The following FBXO5 variants were observed in gnomAD, a reference collection of about 807,000 sequenced individuals.
FBXO5 encodes the protein F-box protein 5.
A neutral mutation model predicts 43.3 loss-of-function variants in FBXO5; 8 were observed. The ratio of observed to expected loss-of-function variants is 0.18; its 90% CI spans 0.11 to 0.33. FBXO5 has a LOEUF of 0.33. Among genes scored for constraint, FBXO5 ranks in the 10% least tolerant of loss-of-function variants. The pLI, the probability that FBXO5 is intolerant of heterozygous loss-of-function variation, is 1.00. For missense variants in FBXO5, 491 were observed against 535.7 expected, an observed-to-expected ratio of 0.92 and a Z score of 0.82; for synonymous variants, 204 against 193.7, an observed-to-expected ratio of 1.05 and a Z score of -0.44.
At chr6:152,974,844 C>G in intron 2 of FBXO5, 63 bp downstream of exon 2, 1 of 1,313,988 alleles carries the variant, frequency 7.6e-7, no homozygotes. Context: ...GCTGGTGGTA[C>G]TGAGCCACTA....
At chr6:152,972,999 C>A (rs1444145654) in intron 3 of FBXO5, 47 bp downstream of exon 3, 1 of 1,430,446 alleles carries the variant, frequency 7.0e-7, no homozygotes, top group Admixed American at 1.7e-5. Flanking sequence ...TCTAGAAGAG[C>A]ACTAACAGTG....
chr6:152,970,994 A>G lies in FBXO5; in HGVS notation c.*169T>C, dbSNP rs1388037178. On this transcript the variant is annotated 3_prime_UTR_variant, in exon 5 of 5. Transcript: ENST00000229758. ...AACTTTTTCTCATTAAATTGTAAAA[A>G]TATTTTAAGAGGTTGTCTATCCTCT... is the stretch of plus-strand genomic sequence containing the variant. 4.1e-6 allele frequency: 2 copies of G among 486,646 alleles called. No individual in the cohort carries two copies. The highest frequency in any genetic ancestry group is 2.0e-5 in the African/African-American group (1 of 50,126). 30.1% of individuals were successfully genotyped at this position (486,646 alleles called of 1,614,324 possible).
In FBXO5 at chr6:152,974,919, A is replaced by C. The variant is rs1386023109; in HGVS notation, c.806T>G (p.Met269Arg). ...AAACAGTACTTACTTGATTAAGTCC[A>C]TGTCACTGAGTTGTGCTAAAATAGT... is the stretch of plus-strand genomic sequence containing the variant. ...LATILAQLSD[M>R]DLINVSKVST... Residue 269 changes from methionine (M) to arginine (R), a missense_variant, in exon 2 of 5, where the codon ATG becomes AGG. Met to Arg is a moderately conservative substitution (Grantham distance 91). Transcript: ENST00000229758. The C allele has an allele frequency of 1.3e-6, 2 of 1,595,610 alleles. No homozygotes were observed. Among genetic ancestry groups the C allele is most frequent in the Non-Finnish European group, 1.7e-6 (2 of 1,173,046 alleles).
chr6:152,975,599 G>T lies in FBXO5; in HGVS notation c.126C>A (p.Thr42=), dbSNP rs1232187242. 6.3e-7 allele frequency: 1 copy of T among 1,599,550 alleles called. No homozygotes were observed. Among genetic ancestry groups the T allele is most frequent in the South Asian group, 1.1e-5 (1 of 88,660 alleles). The change falls in exon 2 of 5, where the codon ACC becomes ACA. Residue 42 remains threonine, a synonymous_variant. Coordinates refer to ENST00000229758, the MANE Select transcript of FBXO5 (RefSeq NM_012177.5). The part of the protein sequence containing the change: ...PSDSCKEESS[T]LSVKMKCDFN... ...AATCACACTTCATTTTGACAGAAAG[G>T]GTAGAACTTTCTTCTTTACAACCTA...
Position 152,975,505 on chromosome 6 carries a change from A to T in FBXO5, c.220T>A (p.Tyr74Asn), listed in dbSNP as rs1384572590. The T allele has an allele frequency of 1.9e-6, 3 of 1,613,844 alleles. No homozygotes were observed. The highest frequency in any genetic ancestry group is 2.5e-6 in the Non-Finnish European group (3 of 1,179,970). Residue 74 changes from tyrosine (Y) to asparagine (N), a missense_variant, in exon 2 of 5, where the codon TAC (tyrosine) becomes AAC (asparagine). Coordinates refer to ENST00000229758, the MANE Select transcript of FBXO5 (RefSeq NM_012177.5). Reference sequence around the variant, plus strand: ...GAACCTTCCAAATATGCAGGGGTGTAGGAAACTAGTCTTCCAATGTCATCA... The same window carrying T: ...GAACCTTCCAAATATGCAGGGGTGTTGGAAACTAGTCTTCCAATGTCATCA... ...KPDDIGRLVSYTPAYLEGSCK... is the reference protein window; with the variant it reads ...KPDDIGRLVSNTPAYLEGSCK...
intron 1 of FBXO5, among the ~76,000 whole-genome samples, chr6:152,980,452 G>C (rs1047284682): frequency 6.6e-6 from 1 of 152,182 alleles, no homozygotes; most frequent in Non-Finnish European, 1.5e-5. Flanking sequence ...TGAGTTGGGG[G>C]AGGTTATTGA....
upstream of FBXO5, chr6:152,983,131 C>A (rs894120093): frequency 1.4e-5 from 6 of 425,358 alleles, no homozygotes; most frequent in Non-Finnish European, 2.5e-5. Context: ...CTTGCATGCG[C>A]GCACCAATAG....
rs1242058989 is a variant in FBXO5 at position 152,973,103 on chromosome 6, G to A, written c.852C>T (p.Ile284=). 1 of 1,613,690 alleles carries A rather than the reference G, an allele frequency of 6.2e-7. No homozygotes were observed. Among genetic ancestry groups the A allele is most frequent in the East Asian group, 2.2e-5 (1 of 44,840 alleles). The change falls in exon 3 of 5, where the codon ATC becomes ATT. Residue 284 remains isoleucine (I), a synonymous_variant. Coordinates refer to ENST00000229758, the MANE Select transcript of FBXO5 (RefSeq NM_012177.5). ...GGAATGCCCCCTTATCATCTTCTAGGATCTTCTTCCAAGTTGTGCTCACTT... is the reference window on the plus strand; with the variant it reads ...GGAATGCCCCCTTATCATCTTCTAGAATCTTCTTCCAAGTTGTGCTCACTT... The part of the protein sequence containing the change: ...VSKVSTTWKK[I]LEDDKGAFQL...
chr6:152,971,024 C>T lies in FBXO5; in HGVS notation c.*139G>A. 1.4e-6 allele frequency: 1 copy of T among 738,010 alleles called. No homozygotes were observed. The highest frequency in any genetic ancestry group is 2.0e-6 in the Non-Finnish European group (1 of 490,672). 45.7% of individuals were successfully genotyped at this position (738,010 alleles called of 1,614,324 possible). ...TTAAGAGGTTGTCTATCCTCTTTAT[C>T]TTCTGGGGGGAAAAAAACCTCAGGA... On this transcript the variant is annotated 3_prime_UTR_variant, in exon 5 of 5. Coordinates refer to ENST00000229758, the MANE Select transcript of FBXO5 (RefSeq NM_012177.5).
At chr6:152,974,619 C>T (rs557997172) in intron 2 of FBXO5, among the ~76,000 whole-genome samples, 163 of 152,316 alleles carry the variant, frequency 1.1e-3, no homozygotes, top group African/African-American at 3.6e-3. Flanking sequence ...GGTTGAGCAT[C>T]TCTAATCCAA....
Position 152,971,022 on chromosome 6 carries a change from A to G in FBXO5, c.*141T>C. 1 of 701,878 alleles carries G rather than the reference A, an allele frequency of 1.4e-6. No homozygotes were observed. The highest frequency in any genetic ancestry group is 2.2e-6 in the Non-Finnish European group (1 of 462,506). 43.5% of individuals were successfully genotyped at this position (701,878 alleles called of 1,614,324 possible). On this transcript the variant is annotated 3_prime_UTR_variant, in exon 5 of 5. Coordinates refer to ENST00000229758, the MANE Select transcript of FBXO5 (RefSeq NM_012177.5). ...TTTTAAGAGGTTGTCTATCCTCTTT[A>G]TCTTCTGGGGGGAAAAAAACCTCAG...
At chr6:152,971,696 A>G (rs1778089480) in intron 4 of FBXO5, among the ~76,000 whole-genome samples, 1 of 152,210 alleles carries the variant, frequency 6.6e-6, no homozygotes. Flanking sequence ...GATCAACATG[A>G]ATCAGAAAAT....
At position 152,971,368 on chromosome 6, in the gene FBXO5, C is replaced by A. The variant is rs530568461; in HGVS notation, c.1139G>T (p.Arg380Leu). 5.0e-6 allele frequency: 8 copies of A among 1,613,552 alleles called. No individual in the cohort carries two copies. The highest frequency in any genetic ancestry group is 6.8e-6 in the Non-Finnish European group (8 of 1,179,832). ...ATCATATTTTGCAGGTGAATTACAG[C>A]GAATACAGGCTTTGAGGCTTTCGTT... ...KKNESLKACI[R>L]CNSPAKYDCY... Residue 380 changes from arginine to leucine, a missense_variant, in exon 5 of 5, where the codon CGC becomes CTC. By Grantham distance (102) the Arg-to-Leu change is moderately radical. Coordinates refer to ENST00000229758, the MANE Select transcript of FBXO5 (RefSeq NM_012177.5).
Position 152,983,014 on chromosome 6 carries a change from G to A in FBXO5, c.-55C>T. On this transcript the variant is annotated 5_prime_UTR_variant, in exon 1 of 5. Transcript: ENST00000229758. The stretch of plus-strand genomic sequence containing the variant: ...GAGGAACCGCTCCGGGGGCAGCTGA[G>A]CAACCTGCCTGCTTCACAGACCTGT... 1.2e-5 allele frequency: 13 copies of A among 1,101,130 alleles called. No individual in the cohort carries two copies. In the South Asian group the frequency reaches 2.2e-4, roughly 18 times the overall value. 68.2% of individuals were successfully genotyped at this position (1,101,130 alleles called of 1,614,324 possible).
At position 152,983,018 on chromosome 6, in the gene FBXO5, C is replaced by A. The variant is rs547980533; in HGVS notation, c.-59G>T. Reference sequence around the variant, plus strand: ...AACCGCTCCGGGGGCAGCTGAGCAACCTGCCTGCTTCACAGACCTGTATCT... The same window carrying A: ...AACCGCTCCGGGGGCAGCTGAGCAAACTGCCTGCTTCACAGACCTGTATCT... On this transcript the variant is annotated 5_prime_UTR_variant, in exon 1 of 5. Coordinates refer to ENST00000229758, the MANE Select transcript of FBXO5 (RefSeq NM_012177.5). The A allele has an allele frequency of 2.8e-6, 3 of 1,065,502 alleles. No homozygotes were observed. Among genetic ancestry groups the A allele is most frequent in the Non-Finnish European group, 3.8e-6 (3 of 795,868 alleles). The allele number at this position is 1,065,502 out of a possible 1,614,324, so 66.0% of individuals were successfully genotyped here.
chr6:152,982,913 G>A lies in FBXO5; in HGVS notation c.47C>T (p.Ser16Phe), dbSNP rs1325761438. The change falls in exon 1 of 5, where the codon TCC (serine) becomes TTC (phenylalanine). Residue 16 changes from serine (S) to phenylalanine (F), a missense_variant. Ser to Phe is a radical substitution (Grantham distance 155). Coordinates refer to ENST00000229758, the MANE Select transcript of FBXO5 (RefSeq NM_012177.5). Reference protein sequence around the residue: ...CSCALRPPRCSCSASPSAVTA... With the variant: ...CSCALRPPRCFCSASPSAVTA... ...CACTGCGCTGGGGCTGGCGCTGCAG[G>A]AGCAGCGGGGTGGCCGTAGGGCGCA... is the stretch of plus-strand genomic sequence containing the variant. 2 of 1,478,786 alleles carry A rather than the reference G, an allele frequency of 1.4e-6. No homozygotes were observed. Among genetic ancestry groups the A allele is most frequent in the Non-Finnish European group, 1.8e-6 (2 of 1,122,490 alleles). 91.6% of individuals were successfully genotyped at this position (1,478,786 alleles called of 1,614,324 possible). A position where few individuals can be genotyped will look rare whatever the true frequency, so the allele number is the denominator to read the frequency against.
chr6:152,978,394 C>T (rs1035706355), intron 1 of FBXO5, among the ~76,000 whole-genome samples: 1 of 4,662 alleles, frequency 2.1e-4, no homozygotes, highest in Non-Finnish European at 4.2e-4. Context: ...GGGGGGGGGG[C>T]GGGGGACTTC....
At chr6:152,977,417 C>A (rs1373879347) in intron 1 of FBXO5, among the ~76,000 whole-genome samples, 2 of 152,138 alleles carry the variant, frequency 1.3e-5, no homozygotes, top group South Asian at 4.1e-4. Flanking sequence ...GAAATGGATA[C>A]CTTCATAGAA....
rs1712 is a variant in FBXO5 at position 152,970,730 on chromosome 6, C to T, written c.*433G>A. 0.21 allele frequency: 31,488 copies of T among 152,700 alleles called. 3,496 individuals are homozygous for T. Among genetic ancestry groups the T allele is most frequent in the African/African-American group, 0.29 (11,940 of 41,462 alleles). The allele number at this position is 152,700 out of a possible 1,614,324, so 9.5% of individuals were successfully genotyped here. A position where few individuals can be genotyped will look rare whatever the true frequency, so the allele number is the denominator to read the frequency against. On this transcript the variant is annotated 3_prime_UTR_variant, in exon 5 of 5. Coordinates refer to ENST00000229758, the MANE Select transcript of FBXO5 (RefSeq NM_012177.5). ...AAAAAAAGCTTTAGAAAGGTGACAA[C>T]ACATTTAATAGACTCCAGAAGTTGA...
Sources: gnomAD v4.1 joint callset for allele counts (sites outside exome capture counted in the v4.1 genomes callset) on GRCh38, gnomAD v4.1.1 for gene constraint, MANE v1.5 for transcripts, NCBI Gene and HGNC (gene_info 2026-07-23, HGNC 2026-07-21) for gene names.